SLC6A3: variants seen among roughly 807,000 people sequenced by gnomAD.
SLC6A3 encodes the protein sodium-dependent dopamine transporter.
A neutral mutation model predicts 70.4 loss-of-function variants in SLC6A3; 19 were observed. That is an observed-to-expected ratio of 0.27 (90% CI 0.19 to 0.40). SLC6A3 has a LOEUF of 0.40. SLC6A3 is among the 10% of genes least tolerant of loss of function. SLC6A3 has a pLI of 1.00. For synonymous variants in SLC6A3, 368 were observed against 356.6 expected (o/e 1.03, Z -0.36); for missense variants, 613 against 838.5 (o/e 0.73, Z 3.32).
intron 3 of SLC6A3, among the ~76,000 whole-genome samples, chr5:1,441,130 C>T (rs1032576113): frequency 2.6e-5 from 4 of 152,230 alleles, no homozygotes; most frequent in Admixed American, 2.0e-4. Flanking sequence ...GACAAAGTAA[C>T]ACCACAAATG....
chr5:1,422,662 ACCGCTGC>A, intron 4 of SLC6A3, among the ~76,000 whole-genome samples: 1 of 49,418 alleles, frequency 2.0e-5, no homozygotes. Flanking sequence ...CTGGGTACCC[ACCGCTGC>A]CCAGTGCTGC....
chr5:1,441,006 A>G (rs1365315812), intron 3 of SLC6A3, among the ~76,000 whole-genome samples: 4 of 152,240 alleles, frequency 2.6e-5, no homozygotes, highest in African/African-American at 4.8e-5. Context: ...AATAATAAAG[A>G]TAGATAATGG....
At chr5:1,403,149 G>C in intron 12 of SLC6A3, 60 bp from the exon 13 acceptor site, 1 of 1,579,616 alleles carries the variant, frequency 6.3e-7, no homozygotes, top group Middle Eastern at 1.9e-4. Context: ...GGACAAAGCA[G>C]GGAGCGGGCA....
chr5:1,410,868 G>C (rs1396195029), intron 9 of SLC6A3, among the ~76,000 whole-genome samples: 1 of 151,994 alleles, frequency 6.6e-6, no homozygotes, highest in Non-Finnish European at 1.5e-5. Context: ...GTGTGCGTGT[G>C]TGCATGTGTG....
chr5:1,399,160 A>T (rs1755788310), intron 14 of SLC6A3, among the ~76,000 whole-genome samples: 1 of 152,242 alleles, frequency 6.6e-6, no homozygotes, highest in African/African-American at 2.4e-5. Context: ...TTAATTTGGA[A>T]ATTAAAAACA....
intron 4 of SLC6A3, among the ~76,000 whole-genome samples, chr5:1,428,670 C>A (rs1464187621): frequency 6.6e-6 from 1 of 152,186 alleles, no homozygotes; most frequent in African/African-American, 2.4e-5. Context: ...GGGGTGCCAG[C>A]AACTCCCACA....
chr5:1,410,854 G>A (rs1756101684), intron 9 of SLC6A3, among the ~76,000 whole-genome samples: 1 of 150,328 alleles, frequency 6.7e-6, no homozygotes, highest in African/African-American at 2.4e-5. Flanking sequence ...GTGTGTTCAT[G>A]TATGTGTGCG....
intron 1 of SLC6A3, among the ~76,000 whole-genome samples, chr5:1,444,685 C>A (rs956476860): frequency 3.3e-5 from 5 of 152,210 alleles, no homozygotes; most frequent in African/African-American, 4.8e-5. Context: ...GCGTCGGGTG[C>A]GGAGCTCGCG....
Position 1,421,756 on chromosome 5 carries a change from G to T in SLC6A3, c.792+120C>A. On this transcript the variant is annotated intron_variant, in intron 5 of 14. Coordinates refer to ENST00000270349, the MANE Select transcript of SLC6A3 (RefSeq NM_001044.5). The surrounding 1 kb of genome is among the most constrained non-coding windows in gnomAD (Gnocchi z 7.2). ...ATGTGTCCACCCCAACCTGGCCATGGCCACATTGGTAGCACAAAACCCAAC... is the reference window on the plus strand; with the variant it reads ...ATGTGTCCACCCCAACCTGGCCATGTCCACATTGGTAGCACAAAACCCAAC... The T allele has an allele frequency of 4.5e-6, 5 of 1,111,560 alleles. No individual in the cohort carries two copies. Among genetic ancestry groups the T allele is most frequent in the Non-Finnish European group, 5.5e-6 (4 of 732,842 alleles). 68.9% of individuals were successfully genotyped at this position (1,111,560 alleles called of 1,614,324 possible). A position where few individuals can be genotyped will look rare whatever the true frequency, so the allele number is the denominator to read the frequency against.
chr5:1,429,072 G>C (rs427284), intron 4 of SLC6A3, among the ~76,000 whole-genome samples: 47,355 of 152,040 alleles, frequency 0.31, 8,320 homozygotes, highest in East Asian at 0.52. Flanking sequence ...TTCACAGTGA[G>C]ACATCCACTC....
chr5:1,438,782 C>A lies in SLC6A3; in HGVS notation c.418+2577G>T, dbSNP rs990495515. Reference sequence around the variant, plus strand: ...TGCCTTGTAAGACACTTGTGACAGACTCCAGGGTGGCTCTTGAAAATCCAG... The same window carrying A: ...TGCCTTGTAAGACACTTGTGACAGAATCCAGGGTGGCTCTTGAAAATCCAG... On this transcript the variant is annotated intron_variant, in intron 3 of 14. Transcript: ENST00000270349. The surrounding 1 kb of genome is among the most constrained non-coding windows in gnomAD (Gnocchi z 6.5). 5.9e-5 allele frequency among the ~76,000 whole-genome samples: 9 copies of A among 152,222 alleles called. No homozygotes were observed. The highest frequency in any genetic ancestry group is 5.9e-4 in the Admixed American group (9 of 15,288).
chr5:1,417,209 T>C (rs1273459679), intron 6 of SLC6A3, among the ~76,000 whole-genome samples: 1 of 148,012 alleles, frequency 6.8e-6, no homozygotes, highest in Non-Finnish European at 1.5e-5. Flanking sequence ...CAGAACATCA[T>C]GGATCATCCA....
chr5:1,432,453 C>T lies in SLC6A3; in HGVS notation c.653+11G>A, dbSNP rs768477286. The T allele has an allele frequency of 1.9e-5, 31 of 1,605,286 alleles. No individual in the cohort carries two copies. Among genetic ancestry groups the T allele is most frequent in the Non-Finnish European group, 2.6e-5 (30 of 1,171,994 alleles). The stretch of plus-strand genomic sequence containing the variant: ...ATCTCTCCCGTTCCCGAGGACCCGA[C>T]TCCCACTTACTCAAAGTACTCGGCA... On this transcript the variant is annotated intron_variant, in intron 4 of 14. Coordinates refer to ENST00000270349, the MANE Select transcript of SLC6A3 (RefSeq NM_001044.5).
rs1755672504 is a variant in SLC6A3 at position 1,394,727 on chromosome 5, T to C, written c.*8A>G. The C allele has an allele frequency of 6.2e-7, 1 of 1,613,938 alleles. No individual in the cohort carries two copies. The highest frequency in any genetic ancestry group is 1.7e-5 in the Admixed American group (1 of 60,018). ...GATGACTTCCTGGGGTCTTCGTCTC[T>C]GCTCCCTCTACACCTTGAGCCAGTG... On this transcript the variant is annotated 3_prime_UTR_variant, in exon 15 of 15. Coordinates refer to ENST00000270349, the MANE Select transcript of SLC6A3 (RefSeq NM_001044.5). The surrounding 1 kb of genome is among the most constrained non-coding windows in gnomAD (Gnocchi z 4.7).
intron 4 of SLC6A3, among the ~76,000 whole-genome samples, chr5:1,426,427 C>T (rs1404697995): frequency 1.3e-5 from 2 of 152,084 alleles, no homozygotes; most frequent in African/African-American, 4.8e-5. Flanking sequence ...GTAGTCCCAG[C>T]TACTTGGGAG....
At position 1,405,571 on chromosome 5, in the gene SLC6A3, T is replaced by C. The variant is rs1755954233; in HGVS notation, c.1599+617A>G. 6.6e-6 allele frequency among the ~76,000 whole-genome samples: 1 copy of C among 152,246 alleles called. No homozygotes were observed. Among genetic ancestry groups the C allele is most frequent in the South Asian group, 2.1e-4 (1 of 4,832 alleles). On this transcript the variant is annotated intron_variant, in intron 12 of 14. Transcript: ENST00000270349. This position sits in a 1 kb window ranked among gnomAD's most constrained non-coding sequence, Gnocchi z 5.3. Reference sequence around the variant, plus strand: ...GCTTTGCTTTGTGAGCCTCCAGGCCTCTGTGGTTCAGTGGGGGAAGCACTG... The same window carrying C: ...GCTTTGCTTTGTGAGCCTCCAGGCCCCTGTGGTTCAGTGGGGGAAGCACTG...
Position 1,404,505 on chromosome 5 carries a change from T to G in SLC6A3, c.1600-1416A>C, listed in dbSNP as rs923863343. The stretch of plus-strand genomic sequence containing the variant: ...AACTATGCCTCCCCAGGCCACAGTC[T>G]GCCCATGTAAGTTGCCTTTGCTCCG... On this transcript the variant is annotated intron_variant, in intron 12 of 14. Transcript: ENST00000270349. This position sits in a 1 kb window ranked among gnomAD's most constrained non-coding sequence, Gnocchi z 5.2. 6.6e-5 allele frequency among the ~76,000 whole-genome samples: 10 copies of G among 152,252 alleles called. No homozygotes were observed. Among genetic ancestry groups the G allele is most frequent in the African/African-American group, 2.4e-4 (10 of 41,458 alleles).
rs1442403578 is a variant in SLC6A3, at chr5:1,414,445, C to CT, written c.1156+245_1156+246insA. 1.0e-4 allele frequency among the ~76,000 whole-genome samples: 14 copies of CT among 138,864 alleles called. 1 individual carries two copies. Among genetic ancestry groups the CT allele is most frequent in the African/African-American group, 2.8e-4 (10 of 35,168 alleles). The allele number at this position is 138,864 out of a possible 152,430, so 91.1% of individuals were successfully genotyped here. A position where few individuals can be genotyped will look rare whatever the true frequency, so the allele number is the denominator to read the frequency against. On this transcript the variant is annotated intron_variant, in intron 8 of 14. Transcript: ENST00000270349. ...GCGGAGAAGGCACTGGGTGGGGGGCCGGGAGGGGCAGGGCGGGGAAGGCGC... is the reference window on the plus strand; with the variant it reads ...GCGGAGAAGGCACTGGGTGGGGGGCCTGGGAGGGGCAGGGCGGGGAAGGCGC...
At chr5:1,407,770 A>G (rs997040288) in intron 11 of SLC6A3, among the ~76,000 whole-genome samples, 1 of 152,248 alleles carries the variant, frequency 6.6e-6, no homozygotes, top group Non-Finnish European at 1.5e-5. Context: ...GACACCCGTG[A>G]AAGTACGAGG....
Sources: gnomAD v4.1 joint callset for allele counts (sites outside exome capture counted in the v4.1 genomes callset) on GRCh38, gnomAD v4.1.1 for gene constraint, Gnocchi (gnomAD v3.1) non-coding constraint, MANE v1.5 for transcripts, NCBI Gene and HGNC (gene_info 2026-07-23, HGNC 2026-07-21) for gene names.